Variants in STX3 observed in about 807,000 individuals in gnomAD.
STX3 encodes the protein syntaxin-3.
A neutral mutation model predicts 40.2 loss-of-function variants in STX3; 19 were observed. The ratio of observed to expected loss-of-function variants is 0.47; its 90% CI spans 0.33 to 0.69. STX3 has a LOEUF of 0.69. STX3 is among the 30% of genes least tolerant of loss of function. The pLI, the probability that STX3 is intolerant of heterozygous loss-of-function variation, is 0.02. For missense variants in STX3, 364 were observed against 366.7 expected, an observed-to-expected ratio of 0.99 and a Z score of 0.06; for synonymous variants, 122 against 132.2, an observed-to-expected ratio of 0.92 and a Z score of 0.53.
intron 2 of STX3, among the ~76,000 whole-genome samples, chr11:59,773,977 CAAAAAAA>C (rs5792160): frequency 2.5e-5 from 2 of 81,250 alleles, no homozygotes; most frequent in African/African-American, 8.4e-5. Context: ...CTCACACACA[CAAAAAAA>C]AAAAAAAAAA....
In STX3 at chr11:59,781,238, GTA is replaced by G. The variant is rs1227027625; in HGVS notation, c.115-5797_115-5796del. On this transcript the variant is annotated intron_variant, in intron 2 of 10. Transcript: ENST00000337979. Reference sequence around the variant, plus strand: ...TAATGAAAAAAAAAAGAAAGAAACAGTATGGAGATTTGCTCATTGAACTGAGC... The same window carrying G: ...TAATGAAAAAAAAAAGAAAGAAACAGTGGAGATTTGCTCATTGAACTGAGC... 3 of 996,134 alleles carry G rather than the reference GTA, an allele frequency of 3.0e-6. No homozygotes were observed. The Admixed American group carries it at 5.9e-5, about 19-fold the overall frequency. The allele number at this position is 996,134 out of a possible 1,614,324, so 61.7% of individuals were successfully genotyped here. A position where few individuals can be genotyped will look rare whatever the true frequency, so the allele number is the denominator to read the frequency against.
chr11:59,801,339 G>A lies in STX3; in HGVS notation c.*515G>A, dbSNP rs777526229. 141 of 991,556 alleles carry A rather than the reference G, an allele frequency of 1.4e-4. No homozygotes were observed. The highest frequency in any genetic ancestry group is 1.6e-4 in the Non-Finnish European group (132 of 833,494). The allele number at this position is 991,556 out of a possible 1,614,324, so 61.4% of individuals were successfully genotyped here. On this transcript the variant is annotated 3_prime_UTR_variant, in exon 11 of 11. Coordinates refer to ENST00000337979, the MANE Select transcript of STX3 (RefSeq NM_004177.5). ...AGGATGCCAATCCTGTTTGTTGTCCGTATGTCCTGAAAACATGAGGGACTG... is the reference window on the plus strand; with the variant it reads ...AGGATGCCAATCCTGTTTGTTGTCCATATGTCCTGAAAACATGAGGGACTG...
chr11:59,803,868 T>G lies in STX3; in HGVS notation c.*3044T>G, dbSNP rs925463056. 5 of 153,176 alleles carry G rather than the reference T, an allele frequency of 3.3e-5. No individual in the cohort carries two copies. In the East Asian group the frequency reaches 7.7e-4, roughly 24 times the overall value. The allele number at this position is 153,176 out of a possible 1,614,324, so 9.5% of individuals were successfully genotyped here. A position where few individuals can be genotyped will look rare whatever the true frequency, so the allele number is the denominator to read the frequency against. On this transcript the variant is annotated 3_prime_UTR_variant, in exon 11 of 11. Coordinates refer to ENST00000337979, the MANE Select transcript of STX3 (RefSeq NM_004177.5). ...TCACAGATTGATCGACTGGCATTTC[T>G]AATCCTCCTTCCACTTCTGTGGTAC... is the stretch of plus-strand genomic sequence containing the variant.
Position 59,797,335 on chromosome 11 carries a change from T to G in STX3, c.839T>G (p.Leu280Trp). 6.2e-7 allele frequency: 1 copy of G among 1,614,186 alleles called. No individual in the cohort carries two copies. Among genetic ancestry groups the G allele is most frequent in the Non-Finnish European group, 8.5e-7 (1 of 1,180,040 alleles). The change falls in exon 10 of 11, where the codon TTG becomes TGG. Residue 280 changes from leucine to tryptophan, a missense_variant. Coordinates refer to ENST00000337979, the MANE Select transcript of STX3 (RefSeq NM_004177.5). ...LVVVLLGILA[L>W]IIGLSVGLN ...GTTGTGTTGCTGGGCATTTTAGCAT[T>G]GATTATTGGACTTTCCGTTGGGCTG...
chr11:59,797,351 C>A lies in STX3; in HGVS notation c.855C>A (p.Ser285=). The change falls in exon 10 of 11, where the codon TCC becomes TCA. Residue 285 remains serine, a synonymous_variant. Coordinates refer to ENST00000337979, the MANE Select transcript of STX3 (RefSeq NM_004177.5). ...TTTTAGCATTGATTATTGGACTTTCCGTTGGGCTGAATTAAGAGTGGCCTA... is the reference window on the plus strand; with the variant it reads ...TTTTAGCATTGATTATTGGACTTTCAGTTGGGCTGAATTAAGAGTGGCCTA... ...LGILALIIGL[S]VGLN The A allele has an allele frequency of 1.2e-6, 2 of 1,613,976 alleles. No homozygotes were observed. The highest frequency in any genetic ancestry group is 1.7e-6 in the Non-Finnish European group (2 of 1,179,976).
chr11:59,778,607 G>T (rs1013914119), intron 2 of STX3, among the ~76,000 whole-genome samples: 2 of 152,172 alleles, frequency 1.3e-5, no homozygotes, highest in Non-Finnish European at 2.9e-5. Flanking sequence ...GTCACAGATG[G>T]CAGTGTGAGG....
At chr11:59,773,349 T>C in intron 2 of STX3, 55 bp downstream of exon 2, 1 of 1,574,126 alleles carries the variant, frequency 6.4e-7, no homozygotes, top group African/African-American at 1.4e-5. Context: ...CACTATTTCC[T>C]TAGTAAGAAT....
At chr11:59,771,446 C>T (rs115417382) in intron 1 of STX3, among the ~76,000 whole-genome samples, 12,634 of 127,476 alleles carry the variant, frequency 0.099, 807 homozygotes, top group African/African-American at 0.19. Context: ...AGTTTGTAGT[C>T]AGTGGGGAAA....
intron 2 of STX3, among the ~76,000 whole-genome samples, chr11:59,783,139 A>T (rs1037502203): frequency 4.6e-5 from 7 of 152,224 alleles, no homozygotes; most frequent in Non-Finnish European, 1.0e-4. Context: ...CTCATTTTGT[A>T]AAAAGCTTTC....
At chr11:59,788,529 C>G (rs1453374530) in intron 3 of STX3, among the ~76,000 whole-genome samples, 1 of 152,186 alleles carries the variant, frequency 6.6e-6, no homozygotes, top group African/African-American at 2.4e-5. Context: ...TCCCTAGAAC[C>G]TTCTCAACCG....
chr11:59,794,251 A>T (rs530973204), intron 8 of STX3, among the ~76,000 whole-genome samples: 1 of 152,304 alleles, frequency 6.6e-6, no homozygotes, highest in South Asian at 2.1e-4. Flanking sequence ...CTTGCTCGGG[A>T]TAGAATTCTG....
intron 9 of STX3, among the ~76,000 whole-genome samples, chr11:59,796,921 G>A (rs1865550785): frequency 6.6e-6 from 1 of 152,134 alleles, no homozygotes; most frequent in Non-Finnish European, 1.5e-5. Flanking sequence ...GACCAGACTG[G>A]GGAACATGGG....
chr11:59,781,514 C>T, intron 2 of STX3: 1 of 1,613,922 alleles, frequency 6.2e-7, no homozygotes, highest in Non-Finnish European at 8.5e-7. Context: ...ACTTCTCTCC[C>T]AGGGTACAAG....
chr11:59,791,023 C>T (rs537488686), intron 5 of STX3, among the ~76,000 whole-genome samples: 2 of 151,984 alleles, frequency 1.3e-5, no homozygotes, highest in Non-Finnish European at 2.9e-5. Flanking sequence ...CAGGAGGATG[C>T]GACCCAGCAG....
intron 2 of STX3, among the ~76,000 whole-genome samples, chr11:59,781,100 T>TTTTTTTTTTTTATA (rs963410109): frequency 1.1e-3 from 164 of 146,310 alleles, no homozygotes; most frequent in Admixed American, 2.6e-3. Flanking sequence ...TTTTTTTTTT[T>TTTTTTTTTTTTATA]TATATTAGCA....
intron 1 of STX3, among the ~76,000 whole-genome samples, chr11:59,756,166 C>T (rs535295067): frequency 3.9e-5 from 6 of 152,128 alleles, no homozygotes; most frequent in Admixed American, 2.0e-4. Flanking sequence ...TGTCATTGTC[C>T]CCCCCTCCCC....
intron 10 of STX3, among the ~76,000 whole-genome samples, chr11:59,798,365 G>A (rs1383980600): frequency 1.3e-5 from 2 of 151,826 alleles, no homozygotes; most frequent in South Asian, 2.1e-4. Flanking sequence ...ATGCCACAGC[G>A]CCTAGCTAAT....
At chr11:59,763,093 G>T (rs1430009374) in intron 1 of STX3, among the ~76,000 whole-genome samples, 1 of 152,182 alleles carries the variant, frequency 6.6e-6, no homozygotes, top group Non-Finnish European at 1.5e-5. Flanking sequence ...CTGTTGCTTG[G>T]CAGATGTTAG....
At chr11:59,781,072 C>T (rs890518501) in intron 2 of STX3, among the ~76,000 whole-genome samples, 2 of 147,038 alleles carry the variant, frequency 1.4e-5, no homozygotes, top group Non-Finnish European at 3.0e-5. Flanking sequence ...CCCTTTTCAT[C>T]AACATTTGTT....
Sources: allele counts gnomAD v4.1 joint callset (sites outside exome capture counted in the v4.1 genomes callset), GRCh38; gene constraint gnomAD v4.1.1; transcripts MANE v1.5; gene names NCBI Gene and HGNC (gene_info 2026-07-23, HGNC 2026-07-21).